Variants in KCTD9 observed in about 807,000 individuals in gnomAD.
The protein encoded by KCTD9 is potassium channel tetramerization domain containing 9.
In KCTD9, 17 loss-of-function variants were observed where a neutral mutation model predicts 53.3. The ratio of observed to expected loss-of-function variants is 0.32; its 90% CI spans 0.22 to 0.48. KCTD9 has a LOEUF of 0.48. Among genes scored for constraint, KCTD9 ranks in the 20% least tolerant of loss-of-function variants. The probability of loss-of-function intolerance (pLI) is 0.99; values close to 1 mark genes in which losing one functional copy is unlikely to be tolerated. For missense variants in KCTD9, 179 were observed against 465.5 expected, an observed-to-expected ratio of 0.38 and a Z score of 5.66; for synonymous variants, 128 against 162.7, an observed-to-expected ratio of 0.79 and a Z score of 1.62.
chr8:25,437,157 T>C (rs1273423211), intron 6 of KCTD9, among the ~76,000 whole-genome samples: 1 of 152,204 alleles, frequency 6.6e-6, no homozygotes, highest in African/African-American at 2.4e-5. Context: ...GCTACCACTC[T>C]GGCATACAGG....
chr8:25,440,305 G>T (rs562094997), intron 4 of KCTD9, among the ~76,000 whole-genome samples: 1 of 151,884 alleles, frequency 6.6e-6, no homozygotes, highest in African/African-American at 2.4e-5. Context: ...TGATCCGCCC[G>T]CCTCGGCCTC....
chr8:25,431,161 T>G (rs1252555001), intron 11 of KCTD9, among the ~76,000 whole-genome samples: 1 of 152,144 alleles, frequency 6.6e-6, no homozygotes, highest in African/African-American at 2.4e-5. Flanking sequence ...AAAACAATTT[T>G]ACTATGATCC....
intron 1 of KCTD9, among the ~76,000 whole-genome samples, chr8:25,450,176 A>G (rs1310487329): frequency 6.6e-6 from 1 of 152,234 alleles, no homozygotes; most frequent in Non-Finnish European, 1.5e-5. Flanking sequence ...AAAACAATTT[A>G]CCGTATCACT....
In KCTD9 at chr8:25,453,158, AC is replaced by A. The variant is rs200603242; in HGVS notation, c.48+5040del. The stretch of plus-strand genomic sequence containing the variant: ...CGGGCAGATCAGGAGGTCAGCCGAG[AC>A]CAGCCTGACCAACATGGTGAAACCC... On this transcript the variant is annotated intron_variant, in intron 1 of 11. Transcript: ENST00000221200. Among the ~76,000 whole-genome samples, 352 of 152,046 alleles carry A rather than the reference AC, an allele frequency of 2.3e-3. 3 individuals carry two copies. The South Asian group carries it at 0.03, about 13-fold the overall frequency.
At chr8:25,435,298 G>C (rs902989187) in intron 9 of KCTD9, 65 bp downstream of exon 9, 59 of 1,054,420 alleles carry the variant, frequency 5.6e-5, no homozygotes, top group Non-Finnish European at 7.5e-5. Flanking sequence ...TGTCTCAAAG[G>C]CTCTTTGAGA....
intron 9 of KCTD9, among the ~76,000 whole-genome samples, chr8:25,435,162 T>C (rs1431569319): frequency 6.6e-6 from 1 of 152,270 alleles, no homozygotes; most frequent in South Asian, 2.1e-4. Flanking sequence ...TTCAAGTCTA[T>C]GTTTAATAAA....
chr8:25,456,722 A>G (rs1317873142), intron 1 of KCTD9, among the ~76,000 whole-genome samples: 1 of 152,256 alleles, frequency 6.6e-6, no homozygotes, highest in Non-Finnish European at 1.5e-5. Context: ...TGTGAACAAC[A>G]ATATGGAAAG....
intron 9 of KCTD9, 23 bp downstream of exon 9, chr8:25,435,340 T>A (rs1481632636): frequency 1.3e-6 from 2 of 1,521,782 alleles, no homozygotes; most frequent in East Asian, 4.8e-5. Context: ...TAATTTTCTC[T>A]TGTAGCCTAA....
chr8:25,458,347 G>C lies in KCTD9; in HGVS notation c.-101C>G. On this transcript the variant is annotated 5_prime_UTR_variant, in exon 1 of 12. The change creates a new upstream start codon in the 5' untranslated region. Transcript: ENST00000221200. ...CCCTTCCCCTCCCTCCACCCACTCG[G>C]ATTCGCCTCCCTTCGCCACCTTCCT... The C allele has an allele frequency of 7.3e-7, 1 of 1,363,952 alleles. No individual in the cohort carries two copies. Among genetic ancestry groups the C allele is most frequent in the Non-Finnish European group, 1.0e-6 (1 of 968,634 alleles). The allele number at this position is 1,363,952 out of a possible 1,614,324, so 84.5% of individuals were successfully genotyped here.
Position 25,439,386 on chromosome 8 carries a change from TCTTG to T in KCTD9, c.388_391del (p.Gln130IlefsTer7). The T allele has an allele frequency of 6.2e-7, 1 of 1,611,930 alleles. No homozygotes were observed. The highest frequency in any genetic ancestry group is 8.5e-7 in the Non-Finnish European group (1 of 1,179,314). ...GTCAATTAAGAAAGCTCCTCTATGA[TCTTG>T]CTTATTTCCCCAGACACCTGTGTCA... is the stretch of plus-strand genomic sequence containing the variant. On this transcript the variant is annotated frameshift_variant, in exon 6 of 12. Coordinates refer to ENST00000221200, the MANE Select transcript of KCTD9 (RefSeq NM_017634.4). LOFTEE classifies it high-confidence loss of function.
Position 25,428,394 on chromosome 8 carries a change from C to T in KCTD9, c.*1463G>A, listed in dbSNP as rs1801875253. ...ATGTACCCTTTACTGTTAAGGAAAGCTTTGCATATGTAGATATAGAAGAAT... is the reference window on the plus strand; with the variant it reads ...ATGTACCCTTTACTGTTAAGGAAAGTTTTGCATATGTAGATATAGAAGAAT... On this transcript the variant is annotated 3_prime_UTR_variant, in exon 12 of 12. Coordinates refer to ENST00000221200, the MANE Select transcript of KCTD9 (RefSeq NM_017634.4). 1 of 152,408 alleles carries T rather than the reference C, an allele frequency of 6.6e-6. No individual in the cohort carries two copies. The highest frequency in any genetic ancestry group is 2.4e-5 in the African/African-American group (1 of 41,392). The allele number at this position is 152,408 out of a possible 1,614,324, so 9.4% of individuals were successfully genotyped here.
intron 5 of KCTD9, 96 bp downstream of exon 5, chr8:25,439,510 T>G: frequency 6.4e-7 from 1 of 1,556,848 alleles, no homozygotes; most frequent in Non-Finnish European, 8.7e-7. Context: ...TCTTAAAAAC[T>G]GACATAATTA....
At chr8:25,433,199 C>A in intron 10 of KCTD9, 131 bp downstream of exon 10, 1 of 443,066 alleles carries the variant, frequency 2.3e-6, no homozygotes, top group Non-Finnish European at 4.0e-6. Context: ...TGGAAGTTCT[C>A]CAAATATGAT....
intron 1 of KCTD9, chr8:25,450,255 G>A: frequency 1.1e-6 from 1 of 901,904 alleles, no homozygotes; most frequent in Non-Finnish European, 1.3e-6. Context: ...TTTGCAAAAA[G>A]TTGTTATGAA....
chr8:25,455,527 C>T (rs575296448), intron 1 of KCTD9, among the ~76,000 whole-genome samples: 7 of 152,138 alleles, frequency 4.6e-5, no homozygotes, highest in Non-Finnish European at 1.0e-4. Context: ...TTTTTAGTCT[C>T]ATGGTTTATA....
chr8:25,453,438 G>A (rs1306431004), intron 1 of KCTD9, among the ~76,000 whole-genome samples: 4 of 151,742 alleles, frequency 2.6e-5, no homozygotes, highest in South Asian at 4.2e-4. Flanking sequence ...GGCGGATCAC[G>A]AAGTCAGGAG....
rs1463550109 is a variant in KCTD9 at position 25,429,525 on chromosome 8, G to A, written c.*332C>T. 1 of 168,216 alleles carries A rather than the reference G, an allele frequency of 5.9e-6. No individual in the cohort carries two copies. Among genetic ancestry groups the A allele is most frequent in the Admixed American group, 6.1e-5 (1 of 16,354 alleles). The allele number at this position is 168,216 out of a possible 1,614,324, so 10.4% of individuals were successfully genotyped here. On this transcript the variant is annotated 3_prime_UTR_variant, in exon 12 of 12. Transcript: ENST00000221200. ...CTCAAATGCATCTCAAACCAAGATG[G>A]TATTTCCACATCATGCCTATTTAAA...
intron 1 of KCTD9, among the ~76,000 whole-genome samples, chr8:25,454,772 T>A (rs1193434933): frequency 6.6e-6 from 1 of 152,246 alleles, no homozygotes; most frequent in African/African-American, 2.4e-5. Flanking sequence ...AACATCTGTA[T>A]ATTTATGTAT....
chr8:25,456,311 C>T (rs1183611206), intron 1 of KCTD9, among the ~76,000 whole-genome samples: 1 of 152,220 alleles, frequency 6.6e-6, no homozygotes, highest in African/African-American at 2.4e-5. Flanking sequence ...TTGAGTAGCA[C>T]TTTTCCCAGC....
Sources: allele counts gnomAD v4.1 joint callset (sites outside exome capture counted in the v4.1 genomes callset), GRCh38; gene constraint gnomAD v4.1.1; transcripts MANE v1.5; gene names NCBI Gene and HGNC (gene_info 2026-07-23, HGNC 2026-07-21).